Variants in CFAP20DC observed in about 807,000 individuals in gnomAD.
The protein encoded by CFAP20DC is CFAP20 domain containing.
A neutral mutation model predicts 101.7 loss-of-function variants in CFAP20DC; 84 were observed. The ratio of observed to expected loss-of-function variants is 0.83; its 90% confidence interval spans 0.69 to 0.99. The LOEUF (loss-of-function observed/expected upper bound fraction) is 0.99. CFAP20DC is among the 50% of genes least tolerant of loss of function. The pLI, the probability that CFAP20DC is intolerant of heterozygous loss-of-function variation, is 0.00. For synonymous variants in CFAP20DC, 359 were observed against 351.2 expected (o/e 1.02, Z -0.25); for missense variants, 1,007 against 970.3 (o/e 1.04, Z -0.50).
intron 3 of CFAP20DC, among the ~76,000 whole-genome samples, chr3:58,718,305 T>C (rs887554845): frequency 6.6e-6 from 1 of 152,234 alleles, no homozygotes; most frequent in Non-Finnish European, 1.5e-5. Context: ...ATCCAGTTTA[T>C]TCAAAATTCA....
intron 10 of CFAP20DC, 76 bp from the exon 11 acceptor site, chr3:58,866,764 C>T (rs966183256): frequency 2.2e-6 from 2 of 925,804 alleles, no homozygotes; most frequent in South Asian, 3.4e-5. Context: ...GAATGGTTTA[C>T]TTTGGTATAC....
At position 58,845,602 on chromosome 3, in the gene CFAP20DC, C is replaced by T. The variant is rs573884067; in HGVS notation, c.1971+3430G>A. ...CAGAGGTACAAGGAGGAACTGGTAC[C>T]TTTCCTTCTGAAACTATTCCAATCA... On this transcript the variant is annotated intron_variant, in intron 13 of 16. Transcript: ENST00000482387. 5.6e-3 allele frequency among the ~76,000 whole-genome samples: 857 copies of T among 152,228 alleles called. 9 individuals carry two copies. The highest frequency in any genetic ancestry group is 0.019 in the African/African-American group (801 of 41,510).
intron 16 of CFAP20DC, among the ~76,000 whole-genome samples, chr3:58,745,344 T>C (rs919174569): frequency 5.9e-5 from 9 of 152,184 alleles, no homozygotes; most frequent in Non-Finnish European, 1.3e-4. Flanking sequence ...CATAGTCTAG[T>C]TGTGAATGTG....
At chr3:58,996,349 C>T (rs11915402) in intron 4 of CFAP20DC, among the ~76,000 whole-genome samples, 10,597 of 152,256 alleles carry the variant, frequency 0.07, 543 homozygotes, top group Non-Finnish European at 0.096. Flanking sequence ...CACGTAACAA[C>T]CCACATGGCT....
chr3:59,039,492 T>C, intron 4 of CFAP20DC, 65 bp downstream of exon 4: 2 of 937,568 alleles, frequency 2.1e-6, no homozygotes, highest in East Asian at 5.6e-5. Flanking sequence ...TGATTGTTGG[T>C]ACTGCTTCAA....
At chr3:58,873,835 G>C (rs1351666600) in intron 7 of CFAP20DC, among the ~76,000 whole-genome samples, 2 of 152,206 alleles carry the variant, frequency 1.3e-5, no homozygotes, top group East Asian at 3.9e-4. Flanking sequence ...TGTCAGGCAG[G>C]TGTTGAAGCA....
rs571776303 is a variant in CFAP20DC at position 58,835,583 on chromosome 3, T to A, written c.1972-3694A>T. ...CTATATTTGCTTAAAATGCTGCATT[T>A]CCATGACTTTATTTCATACAACAGT... On this transcript the variant is annotated intron_variant, in intron 13 of 16. Transcript: ENST00000482387. 2.6e-5 allele frequency among the ~76,000 whole-genome samples: 4 copies of A among 152,352 alleles called. No homozygotes were observed. In the South Asian group the frequency reaches 6.2e-4, roughly 24 times the overall value.
chr3:58,793,124 A>G (rs1325632791), intron 15 of CFAP20DC, among the ~76,000 whole-genome samples: 2 of 152,162 alleles, frequency 1.3e-5, no homozygotes, highest in Non-Finnish European at 2.9e-5. Flanking sequence ...TTATTATATT[A>G]TACTACCAGA....
rs189215552 is a variant in CFAP20DC, at chr3:58,829,276, G to C, written c.2175+2410C>G. On this transcript the variant is annotated intron_variant, in intron 14 of 16. Transcript: ENST00000482387. ...GCAGAGGTTGCAGTGAGCCAAGATC[G>C]AGCCACTGCACTCCAGCCTGGGTAA... Among the ~76,000 whole-genome samples the C allele has an allele frequency of 2.7e-5, 4 of 146,408 alleles. No homozygotes were observed. The East Asian group carries it at 8.2e-4, about 30-fold the overall frequency.
chr3:58,993,054 G>A (rs1467533273), intron 4 of CFAP20DC, among the ~76,000 whole-genome samples: 3 of 152,120 alleles, frequency 2.0e-5, no homozygotes, highest in Non-Finnish European at 4.4e-5. Flanking sequence ...GGAGAAAAAC[G>A]TGGGGAGTAC....
chr3:58,934,940 A>C (rs2107730653), intron 5 of CFAP20DC, among the ~76,000 whole-genome samples: 1 of 152,354 alleles, frequency 6.6e-6, no homozygotes, highest in South Asian at 2.1e-4. Context: ...AGGCAGGAGA[A>C]GGAAATAAGG....
chr3:58,936,829 C>T (rs943456630), intron 5 of CFAP20DC, among the ~76,000 whole-genome samples: 3 of 151,882 alleles, frequency 2.0e-5, no homozygotes, highest in African/African-American at 4.8e-5. Context: ...TGCTAAATGA[C>T]GAGTTACTGG....
intron 4 of CFAP20DC, among the ~76,000 whole-genome samples, chr3:58,984,592 A>T (rs541279183): frequency 1.3e-5 from 2 of 152,342 alleles, no homozygotes; most frequent in African/African-American, 4.8e-5. Flanking sequence ...TTCAAATTAT[A>T]GTTATTTAAA....
intron 1 of CFAP20DC, among the ~76,000 whole-genome samples, 175 bp downstream of exon 1, chr3:59,049,436 T>G (rs1177260667): frequency 6.6e-6 from 1 of 152,146 alleles, no homozygotes; most frequent in Non-Finnish European, 1.5e-5. Context: ...CGCCTAGACA[T>G]TGGTAAATTT....
At chr3:58,753,575 G>GA in intron 16 of CFAP20DC, 194 bp downstream of exon 16, 1 of 510,790 alleles carries the variant, frequency 2.0e-6, no homozygotes, top group Non-Finnish European at 3.4e-6. Flanking sequence ...AACAAGGGTA[G>GA]TTTCTCTCAT....
At chr3:59,030,882 G>A (rs2093980687) in intron 4 of CFAP20DC, among the ~76,000 whole-genome samples, 1 of 152,106 alleles carries the variant, frequency 6.6e-6, no homozygotes, top group South Asian at 2.1e-4. Flanking sequence ...GGAGTGCAGT[G>A]GAGCAATCTC....
intron 4 of CFAP20DC, among the ~76,000 whole-genome samples, chr3:59,012,858 C>T (rs1200882912): frequency 6.6e-6 from 1 of 152,038 alleles, no homozygotes; most frequent in Admixed American, 6.6e-5. Flanking sequence ...AAATTATTCA[C>T]CAATACTGTT....
intron 4 of CFAP20DC, among the ~76,000 whole-genome samples, chr3:59,022,898 T>C (rs2093828259): frequency 6.6e-6 from 1 of 152,088 alleles, no homozygotes; most frequent in African/African-American, 2.4e-5. Flanking sequence ...TGAAAACATT[T>C]ACTTGAATAT....
At chr3:58,821,770 T>C (rs1366789199) in intron 14 of CFAP20DC, among the ~76,000 whole-genome samples, 1 of 147,618 alleles carries the variant, frequency 6.8e-6, no homozygotes, top group Non-Finnish European at 1.5e-5. Flanking sequence ...AGAAATACCA[T>C]TTGACCCAGC....
Sources: gnomAD v4.1 joint callset for allele counts (sites outside exome capture counted in the v4.1 genomes callset) on GRCh38, gnomAD v4.1.1 for gene constraint, MANE v1.5 for transcripts, NCBI Gene and HGNC (gene_info 2026-07-23, HGNC 2026-07-21) for gene names.